The following NOL4 variants were observed in gnomAD, a reference collection of about 807,000 sequenced individuals.
NOL4 encodes the protein cancer/testis antigen 125.
In NOL4, 17 loss-of-function variants were observed where a neutral mutation model predicts 75.9. That is an observed-to-expected ratio of 0.22 (90% CI 0.15 to 0.34). The LOEUF (loss-of-function observed/expected upper bound fraction) is 0.34, where lower values mean the gene tolerates loss of function less well. NOL4 is among the 10% of genes least tolerant of loss of function. The probability of loss-of-function intolerance (pLI) is 1.00; values close to 1 mark genes in which losing one functional copy is unlikely to be tolerated. For missense variants in NOL4, 614 were observed against 793.5 expected (o/e 0.77, Z 2.72); for synonymous variants, 292 against 289.9 (o/e 1.01, Z -0.07).
chr18:34,075,462 C>T (rs1036440706), intron 5 of NOL4, among the ~76,000 whole-genome samples: 1 of 152,070 alleles, frequency 6.6e-6, no homozygotes, highest in East Asian at 1.9e-4. Context: ...TGGGTGCATG[C>T]ATTTTGACTG....
At chr18:34,002,690 TAAACACTTTGCATC>T (rs1228618077) in intron 6 of NOL4, among the ~76,000 whole-genome samples, 1 of 152,096 alleles carries the variant, frequency 6.6e-6, no homozygotes, top group Admixed American at 6.6e-5. Flanking sequence ...AAATAAAATG[TAAACACTTTGCATC>T]AAAATGTACT....
At chr18:34,209,048 T>C (rs1270337057) in intron 1 of NOL4, among the ~76,000 whole-genome samples, 2 of 151,266 alleles carry the variant, frequency 1.3e-5, no homozygotes, top group African/African-American at 2.4e-5. Context: ...CTGTCTCTAT[T>C]AAATATACAA....
At chr18:34,202,673 A>G (rs1001284921) in intron 1 of NOL4, among the ~76,000 whole-genome samples, 3 of 151,992 alleles carry the variant, frequency 2.0e-5, no homozygotes, top group Non-Finnish European at 4.4e-5. Context: ...TATTAAAATG[A>G]TACCTCTATG....
At chr18:33,928,808 T>C (rs1374373959) in intron 9 of NOL4, among the ~76,000 whole-genome samples, 1 of 152,084 alleles carries the variant, frequency 6.6e-6, no homozygotes, top group Non-Finnish European at 1.5e-5. Context: ...TTACATAAGC[T>C]AAAATTATAG....
rs1313067481 is a variant in NOL4 at position 34,073,803 on chromosome 18, C to T, written c.772+19662G>A. On this transcript the variant is annotated intron_variant, in intron 5 of 10. Coordinates refer to ENST00000261592, the MANE Select transcript of NOL4 (RefSeq NM_003787.5). ...CAAATAAAAAACTAGGCATTTGTTT[C>T]TTCCAGAAAAGAAAAAAACAATAGA... Among the ~76,000 whole-genome samples, 4 of 151,886 alleles carry T rather than the reference C, an allele frequency of 2.6e-5. No individual in the cohort carries two copies. The East Asian group carries it at 7.7e-4, about 29-fold the overall frequency.
At chr18:34,059,156 T>TATATAC (rs1451618343) in intron 5 of NOL4, among the ~76,000 whole-genome samples, 6 of 132,872 alleles carry the variant, frequency 4.5e-5, no homozygotes, top group South Asian at 2.4e-4. Flanking sequence ...TATATATATA[T>TATATAC]ACACATGCTT....
intron 2 of NOL4, among the ~76,000 whole-genome samples, chr18:34,111,740 G>A (rs931841540): frequency 3.3e-5 from 5 of 151,868 alleles, no homozygotes; most frequent in Admixed American, 1.3e-4. Context: ...AAAAAATGTC[G>A]AACATCACTA....
chr18:33,928,297 T>C (rs1256801374), intron 9 of NOL4, among the ~76,000 whole-genome samples: 2 of 152,208 alleles, frequency 1.3e-5, no homozygotes, highest in African/African-American at 2.4e-5. Context: ...ACTTGTATCC[T>C]GCTGATTATT....
intron 5 of NOL4, among the ~76,000 whole-genome samples, chr18:34,042,823 A>G (rs141105590): frequency 6.6e-6 from 1 of 152,082 alleles, no homozygotes; most frequent in South Asian, 2.1e-4. Flanking sequence ...TCAGTACTAC[A>G]TCTTGCACTA....
intron 1 of NOL4, among the ~76,000 whole-genome samples, chr18:34,144,257 C>T (rs1290633623): frequency 6.6e-6 from 1 of 152,044 alleles, no homozygotes; most frequent in Admixed American, 6.6e-5. Flanking sequence ...TGCAAAATTT[C>T]CAAAAAGTTA....
intron 1 of NOL4, among the ~76,000 whole-genome samples, chr18:34,199,449 A>C (rs562685004): frequency 8.6e-5 from 13 of 151,994 alleles, no homozygotes; most frequent in East Asian, 1.9e-4. Flanking sequence ...CTGTCCCCCC[A>C]CACACAAATA....
intron 4 of NOL4, among the ~76,000 whole-genome samples, chr18:34,101,393 G>A (rs978218801): frequency 6.6e-6 from 1 of 152,080 alleles, no homozygotes; most frequent in Non-Finnish European, 1.5e-5. Flanking sequence ...ATCATACTGG[G>A]TAGGTTGGAA....
chr18:34,035,755 A>C (rs2075863460), intron 5 of NOL4, among the ~76,000 whole-genome samples: 1 of 152,050 alleles, frequency 6.6e-6, no homozygotes. Context: ...AGAAGATAGA[A>C]GACTCAAATT....
chr18:34,074,309 T>C (rs544247686), intron 5 of NOL4, among the ~76,000 whole-genome samples: 2 of 151,872 alleles, frequency 1.3e-5, no homozygotes, highest in East Asian at 1.9e-4. Flanking sequence ...AAGCTCATTA[T>C]AGAATTTTTG....
intron 1 of NOL4, among the ~76,000 whole-genome samples, chr18:34,203,709 TCTCTCTCTCACA>T (rs1194173238): frequency 2.9e-5 from 3 of 103,066 alleles, no homozygotes; most frequent in East Asian, 3.0e-4. Context: ...TCTCTCTCTC[TCTCTCTCTCACA>T]CACACACACA....
At chr18:33,942,536 GATTA>G (rs1484706767) in intron 9 of NOL4, among the ~76,000 whole-genome samples, 7 of 151,840 alleles carry the variant, frequency 4.6e-5, no homozygotes, top group Non-Finnish European at 1.0e-4. Flanking sequence ...TACAATAAAT[GATTA>G]ATTAATGAGA....
intron 6 of NOL4, among the ~76,000 whole-genome samples, chr18:33,959,822 AC>A (rs985189196): frequency 2.2e-4 from 33 of 152,142 alleles, no homozygotes; most frequent in African/African-American, 7.7e-4. Context: ...CATCTAAACA[AC>A]CTCTTCTTAT....
chr18:34,139,240 C>T (rs139090153), intron 1 of NOL4, among the ~76,000 whole-genome samples: 3,081 of 152,054 alleles, frequency 0.02, 41 homozygotes, highest in African/African-American at 0.044. Flanking sequence ...TGGAATAGTT[C>T]CAGAAGGAAT....
chr18:34,121,721 A>G (rs2080150578), intron 2 of NOL4, among the ~76,000 whole-genome samples: 1 of 152,202 alleles, frequency 6.6e-6, no homozygotes, highest in Admixed American at 6.5e-5. Context: ...ACATTTTTCA[A>G]AGGTACCAAG....
Sources: gnomAD v4.1 joint callset for allele counts (sites outside exome capture counted in the v4.1 genomes callset) on GRCh38, gnomAD v4.1.1 for gene constraint, MANE v1.5 for transcripts, NCBI Gene and HGNC (gene_info 2026-07-23, HGNC 2026-07-21) for gene names.